Variants in BTBD7 observed in about 807,000 individuals in gnomAD.
BTBD7 encodes BTB/POZ domain-containing protein 7.
Under a neutral mutation model 99.9 loss-of-function variants are expected in BTBD7, and 38 were observed. The ratio of observed to expected loss-of-function variants is 0.38; its 90% CI spans 0.29 to 0.50. The LOEUF is 0.50. Ranked by LOEUF, BTBD7 falls within the 20% of genes least tolerant of loss-of-function variation. The pLI, the probability that BTBD7 is intolerant of heterozygous loss-of-function variation, is 0.93. For synonymous variants in BTBD7, 520 were observed against 511.4 expected (o/e 1.02, Z -0.23); for missense variants, 1,170 against 1,394.6 (o/e 0.84, Z 2.57).
intron 10 of BTBD7, chr14:93,244,350 A>C (rs1177746024): frequency 4.9e-6 from 1 of 202,032 alleles, no homozygotes; most frequent in Non-Finnish European, 1.0e-5. Flanking sequence ...CACGGTAAAG[A>C]TAATAAAATC....
intron 1 of BTBD7, among the ~76,000 whole-genome samples, chr14:93,316,459 G>T (rs1357419995): frequency 2.8e-4 from 42 of 151,864 alleles, no homozygotes; most frequent in Admixed American, 2.7e-3. Flanking sequence ...GTGTTATAAA[G>T]GTTGGTCTTG....
In BTBD7 at chr14:93,261,122, C is replaced by T. The variant is rs377716356; in HGVS notation, c.1447+480G>A. The stretch of plus-strand genomic sequence containing the variant: ...GCCAGGCTGGTCTCAAACTCCTGAC[C>T]TCAGGTCAGCCTGTACTCGTATTTT... On this transcript the variant is annotated intron_variant, in intron 5 of 10. Transcript: ENST00000334746. Among the ~76,000 whole-genome samples the T allele has an allele frequency of 8.5e-5, 13 of 152,330 alleles. No individual in the cohort carries two copies. The East Asian group carries it at 2.1e-3, about 25-fold the overall frequency.
In BTBD7 at chr14:93,293,300, GCTAA is replaced by G. The variant is rs71675097; in HGVS notation, c.1162+554_1162+557del. 4.4e-3 allele frequency among the ~76,000 whole-genome samples: 664 copies of G among 152,226 alleles called. 11 individuals are homozygous for G. The highest frequency in any genetic ancestry group is 0.029 in the East Asian group (149 of 5,190). Reference sequence around the variant, plus strand: ...AATGAAGAAGGCACATGAGTCTAGCGCTAACTGTGTTTTACACGCTGTAGGCTGT... The same window carrying G: ...AATGAAGAAGGCACATGAGTCTAGCGCTGTGTTTTACACGCTGTAGGCTGT... On this transcript the variant is annotated intron_variant, in intron 3 of 10. Transcript: ENST00000334746.
intron 6 of BTBD7, among the ~76,000 whole-genome samples, chr14:93,254,291 A>G (rs1465705003): frequency 1.3e-5 from 2 of 152,216 alleles, no homozygotes; most frequent in African/African-American, 2.4e-5. Context: ...AAGATACCAT[A>G]ATTTCCCATT....
intron 3 of BTBD7, among the ~76,000 whole-genome samples, chr14:93,270,417 A>G (rs2052589100): frequency 6.6e-6 from 1 of 152,120 alleles, no homozygotes; most frequent in African/African-American, 2.4e-5. Context: ...TTAACAGCCA[A>G]GCGTGGTGGT....
chr14:93,257,854 T>G (rs2052446981), intron 5 of BTBD7, among the ~76,000 whole-genome samples: 1 of 152,238 alleles, frequency 6.6e-6, no homozygotes, highest in African/African-American at 2.4e-5. Context: ...TGTGCTTTAT[T>G]TGGTTTTAAG....
At chr14:93,287,706 T>C (rs952913738) in intron 3 of BTBD7, 5 of 152,216 alleles carry the variant, frequency 3.3e-5, no homozygotes, top group African/African-American at 1.2e-4. Flanking sequence ...CCTTGGAGAC[T>C]TTCACCCTCC....
intron 3 of BTBD7, among the ~76,000 whole-genome samples, chr14:93,278,836 T>C (rs2052685943): frequency 1.3e-5 from 2 of 152,208 alleles, no homozygotes; most frequent in African/African-American, 4.8e-5. Context: ...GGCTCAGGCA[T>C]GTAATCCCAG....
In BTBD7 at chr14:93,300,783, TATA is replaced by T. The variant is rs781197825; in HGVS notation, c.-106-4629_-106-4627del. Among the ~76,000 whole-genome samples, 309 of 68,538 alleles carry T rather than the reference TATA, an allele frequency of 4.5e-3. 17 individuals carry two copies. Among genetic ancestry groups the T allele is most frequent in the East Asian group, 7.9e-3 (19 of 2,402 alleles). 45.0% of individuals were successfully genotyped at this position (68,538 alleles called of 152,430 possible). Reference sequence around the variant, plus strand: ...GTGTGTGTGTGTGTGTATATATATATATATTTTTTTTTTGTAGAGATAGGGTTT... The same window carrying T: ...GTGTGTGTGTGTGTGTATATATATATTTTTTTTTTTGTAGAGATAGGGTTT... On this transcript the variant is annotated intron_variant, in intron 1 of 10. Transcript: ENST00000334746.
At chr14:93,326,388 G>A (rs561629467) in intron 1 of BTBD7, among the ~76,000 whole-genome samples, 1 of 152,296 alleles carries the variant, frequency 6.6e-6, no homozygotes, top group Admixed American at 6.5e-5. Flanking sequence ...GACTGCTTGA[G>A]CCCAGGTAGT....
At chr14:93,309,348 C>T (rs1358697369) in intron 1 of BTBD7, among the ~76,000 whole-genome samples, 1 of 150,932 alleles carries the variant, frequency 6.6e-6, no homozygotes, top group East Asian at 1.9e-4. Flanking sequence ...GTAATTCCAG[C>T]ACTTTGGGAG....
rs372244418 is a variant in BTBD7, at chr14:93,273,125, C to G, written c.1163-9132G>C. Among the ~76,000 whole-genome samples the G allele has an allele frequency of 7.2e-5, 11 of 152,166 alleles. No individual in the cohort carries two copies. The South Asian group carries it at 8.3e-4, about 11-fold the overall frequency. On this transcript the variant is annotated intron_variant, in intron 3 of 10. Coordinates refer to ENST00000334746, the MANE Select transcript of BTBD7 (RefSeq NM_001002860.4). ...TGACCAAATGGCAAAAGGTCTCCCC[C>G]TCCCATTCCTACTGGTAGGAGACAT...
At chr14:93,273,039 T>A (rs527432764) in intron 3 of BTBD7, among the ~76,000 whole-genome samples, 2 of 152,136 alleles carry the variant, frequency 1.3e-5, no homozygotes, top group African/African-American at 4.8e-5. Flanking sequence ...CCAGCAAAGA[T>A]AACAGAAATG....
At chr14:93,327,313 C>T (rs2053344911) in intron 1 of BTBD7, among the ~76,000 whole-genome samples, 1 of 152,194 alleles carries the variant, frequency 6.6e-6, no homozygotes, top group Admixed American at 6.5e-5. Context: ...AGGCACAGTG[C>T]TAGATACTAG....
At chr14:93,314,524 T>C (rs974621871) in intron 1 of BTBD7, among the ~76,000 whole-genome samples, 9 of 152,150 alleles carry the variant, frequency 5.9e-5, no homozygotes, top group Admixed American at 2.0e-4. Flanking sequence ...AATTCCTACA[T>C]AGAACTGTGT....
rs2052206302 is a variant in BTBD7 at position 93,240,062 on chromosome 14, A to G, written c.*2211T>C. The G allele has an allele frequency of 6.6e-6, 1 of 152,218 alleles. No homozygotes were observed. The highest frequency in any genetic ancestry group is 2.1e-4 in the South Asian group (1 of 4,836). The allele number at this position is 152,218 out of a possible 1,614,324, so 9.4% of individuals were successfully genotyped here. A position where few individuals can be genotyped will look rare whatever the true frequency, so the allele number is the denominator to read the frequency against. Reference sequence around the variant, plus strand: ...AGACAGAGACTGGGCTTCAAAAGACACCGTCTTCTATTATGAGTCAAACTT... The same window carrying G: ...AGACAGAGACTGGGCTTCAAAAGACGCCGTCTTCTATTATGAGTCAAACTT... On this transcript the variant is annotated 3_prime_UTR_variant, in exon 11 of 11. Coordinates refer to ENST00000334746, the MANE Select transcript of BTBD7 (RefSeq NM_001002860.4).
intron 1 of BTBD7, among the ~76,000 whole-genome samples, chr14:93,328,844 G>C (rs908551585): frequency 6.6e-6 from 1 of 152,126 alleles, no homozygotes; most frequent in Non-Finnish European, 1.5e-5. Flanking sequence ...TTTGAGACCA[G>C]AGTTCAAGGC....
intron 3 of BTBD7, among the ~76,000 whole-genome samples, chr14:93,278,181 G>C (rs1285724822): frequency 6.6e-6 from 1 of 152,164 alleles, no homozygotes; most frequent in Non-Finnish European, 1.5e-5. Context: ...GGGAAGCCGA[G>C]GTGGGTGGAT....
At chr14:93,287,276 ATT>A (rs1472349297) in intron 3 of BTBD7, among the ~76,000 whole-genome samples, 1 of 151,560 alleles carries the variant, frequency 6.6e-6, no homozygotes. Flanking sequence ...TATGCTCATC[ATT>A]TAAAAAGTCT....
Sources: allele counts gnomAD v4.1 joint callset (sites outside exome capture counted in the v4.1 genomes callset), GRCh38; gene constraint gnomAD v4.1.1; transcripts MANE v1.5; gene names NCBI Gene and HGNC (gene_info 2026-07-23, HGNC 2026-07-21).